The following ATP2B1 variants were observed in gnomAD, a reference collection of about 807,000 sequenced individuals.
ATP2B1 encodes the protein ATPase plasma membrane Ca2+ transporting 1, also known as plasma membrane calcium-transporting ATPase 1.
ATP2B1 carries 14 observed loss-of-function variants against 124.2 expected under a neutral mutation model. The observed-to-expected ratio is 0.11, with a 90% CI of 0.07 to 0.18. The LOEUF (loss-of-function observed/expected upper bound fraction) is 0.18. Among genes scored for constraint, ATP2B1 ranks in the 10% least tolerant of loss-of-function variants. The probability of loss-of-function intolerance (pLI) is 1.00; values close to 1 mark genes in which losing one functional copy is unlikely to be tolerated. For missense variants in ATP2B1, 763 were observed against 1,466.1 expected, an observed-to-expected ratio of 0.52 and a Z score of 7.83; for synonymous variants, 449 against 492.4, an observed-to-expected ratio of 0.91 and a Z score of 1.17.
At chr12:89,610,108 T>C in intron 14 of ATP2B1, 65 bp from the exon 15 acceptor site, 2 of 1,390,350 alleles carry the variant, frequency 1.4e-6, no homozygotes, top group Non-Finnish European at 2.0e-6. Flanking sequence ...TTCTGAAGAA[T>C]ATCCTGACGT....
At chr12:89,623,204 T>A (rs1212219337) in intron 9 of ATP2B1, among the ~76,000 whole-genome samples, 1 of 152,166 alleles carries the variant, frequency 6.6e-6, no homozygotes, top group African/African-American at 2.4e-5. Flanking sequence ...ACTAATTAAT[T>A]AATATTGCTC....
intron 5 of ATP2B1, among the ~76,000 whole-genome samples, chr12:89,631,724 T>C (rs1466993902): frequency 6.6e-6 from 1 of 152,128 alleles, no homozygotes; most frequent in African/African-American, 2.4e-5. Flanking sequence ...GATGGGAACA[T>C]GGATTAAATT....
chr12:89,655,883 C>A lies in ATP2B1; in HGVS notation c.4G>T (p.Gly2Cys). 1.3e-6 allele frequency: 2 copies of A among 1,587,080 alleles called. No individual in the cohort carries two copies. The highest frequency in any genetic ancestry group is 1.7e-6 in the Non-Finnish European group (2 of 1,164,384). The change falls in exon 2 of 21, where the codon GGC becomes TGC. Residue 2 changes from glycine (G) to cysteine (C), a missense_variant. Gly to Cys is a radical substitution (Grantham distance 159). This residue lies in a region of ATP2B1 where 93 missense variants were observed against 112.7 expected (regional missense o/e 0.83). Transcript: ENST00000428670. The stretch of plus-strand genomic sequence containing the variant: ...GCAACTGAGTTGTTTGCCATGTCGC[C>A]CATTACAAGTATAATATATCAGAAG... The part of the protein sequence containing the change: M[G>C]DMANNSVAYS...
At chr12:89,613,424 G>A (rs1025402466) in intron 12 of ATP2B1, among the ~76,000 whole-genome samples, 2 of 152,278 alleles carry the variant, frequency 1.3e-5, no homozygotes, top group Middle Eastern at 3.4e-3. Flanking sequence ...ATTGGAGGGG[G>A]ACATCACGTG....
intron 9 of ATP2B1, 147 bp from the exon 10 acceptor site, chr12:89,621,938 AT>A (rs538339086): frequency 0.051 from 32,551 of 638,542 alleles, 2 homozygotes; most frequent in East Asian, 0.072. Context: ...TAATACTGAA[AT>A]TTTTTTTTTT....
chr12:89,632,794 C>T (rs1332551626), intron 5 of ATP2B1, among the ~76,000 whole-genome samples: 2 of 152,182 alleles, frequency 1.3e-5, no homozygotes, highest in African/African-American at 4.8e-5. Flanking sequence ...CGATAAGGGA[C>T]TCTACAAAGT....
At chr12:89,664,849 T>C (rs1244837876) in intron 1 of ATP2B1, among the ~76,000 whole-genome samples, 1 of 148,900 alleles carries the variant, frequency 6.7e-6, no homozygotes, top group African/African-American at 2.5e-5. Context: ...TATTATGCTA[T>C]TCTTTTTTTT....
chr12:89,649,120 A>G (rs1884903517), intron 2 of ATP2B1, among the ~76,000 whole-genome samples: 1 of 152,232 alleles, frequency 6.6e-6, no homozygotes, highest in South Asian at 2.1e-4. Context: ...TGCCAAGGGG[A>G]ATTGTAGGGT....
intron 1 of ATP2B1, among the ~76,000 whole-genome samples, chr12:89,670,370 A>AG (rs1887797972): frequency 3.9e-5 from 3 of 76,390 alleles, no homozygotes; most frequent in African/African-American, 1.3e-4. Flanking sequence ...AATAAAACCG[A>AG]ATTTTTTTTT....
chr12:89,635,562 C>T (rs1882560441), intron 3 of ATP2B1, among the ~76,000 whole-genome samples: 1 of 152,072 alleles, frequency 6.6e-6, no homozygotes, highest in African/African-American at 2.4e-5. Context: ...GTTTCTTCAT[C>T]GTCAAATTAT....
intron 2 of ATP2B1, among the ~76,000 whole-genome samples, chr12:89,654,374 C>A (rs1885690271): frequency 6.6e-6 from 1 of 152,112 alleles, no homozygotes; most frequent in Non-Finnish European, 1.5e-5. Flanking sequence ...GTAATCAAAC[C>A]CAACTACATC....
chr12:89,612,794 C>T (rs1235948992), intron 12 of ATP2B1, among the ~76,000 whole-genome samples: 1 of 152,190 alleles, frequency 6.6e-6, no homozygotes, highest in Non-Finnish European at 1.5e-5. Context: ...TTACCTGAAT[C>T]TTCAATGAGC....
chr12:89,675,146 TA>T (rs1888454189), intron 1 of ATP2B1, among the ~76,000 whole-genome samples: 1 of 152,158 alleles, frequency 6.6e-6, no homozygotes, highest in Non-Finnish European at 1.5e-5. Context: ...CATCAATATT[TA>T]ATAAAGCCCA....
chr12:89,590,914 A>C lies in ATP2B1; in HGVS notation c.*70T>G. On this transcript the variant is annotated 3_prime_UTR_variant, in exon 21 of 21. Transcript: ENST00000428670. ...CAAGAATACTAGCTTGTCCATCACA[A>C]TATGTGAAAAGACCCAGTTTCAATT... 1 of 1,420,792 alleles carries C rather than the reference A, an allele frequency of 7.0e-7. No individual in the cohort carries two copies. Among genetic ancestry groups the C allele is most frequent in the Non-Finnish European group, 9.7e-7 (1 of 1,028,238 alleles). The allele number at this position is 1,420,792 out of a possible 1,614,324, so 88.0% of individuals were successfully genotyped here. A position where few individuals can be genotyped will look rare whatever the true frequency, so the allele number is the denominator to read the frequency against.
At chr12:89,612,220 C>T (rs1297281312) in intron 12 of ATP2B1, 3 of 151,904 alleles carry the variant, frequency 2.0e-5, no homozygotes, top group Non-Finnish European at 4.4e-5. Context: ...TTAAAATATA[C>T]GATGATTCCT....
At chr12:89,602,794 TA>T (rs1397835367) in intron 18 of ATP2B1, among the ~76,000 whole-genome samples, 1 of 152,222 alleles carries the variant, frequency 6.6e-6, no homozygotes, top group Non-Finnish European at 1.5e-5. Flanking sequence ...TCCTAAGAAA[TA>T]ATATCTTTCA....
At chr12:89,633,456 T>G (rs1037454950) in intron 5 of ATP2B1, among the ~76,000 whole-genome samples, 7 of 148,140 alleles carry the variant, frequency 4.7e-5, no homozygotes, top group African/African-American at 1.7e-4. Context: ...TGGCACAGGA[T>G]ACTGAAGGTA....
intron 1 of ATP2B1, among the ~76,000 whole-genome samples, chr12:89,689,415 A>G (rs1890307093): frequency 6.6e-6 from 1 of 152,102 alleles, no homozygotes. Context: ...TTTGATTCAG[A>G]AGGAAATTGG....
chr12:89,644,534 GAAAAAAAAAAA>G (rs1884140757), intron 2 of ATP2B1, among the ~76,000 whole-genome samples: 1 of 127,488 alleles, frequency 7.8e-6, no homozygotes, highest in Non-Finnish European at 1.7e-5. Flanking sequence ...TTTCTCAGTT[GAAAAAAAAAAA>G]GAAAAAAAAA....
Sources: allele counts gnomAD v4.1 joint callset (sites outside exome capture counted in the v4.1 genomes callset), GRCh38; gene constraint gnomAD v4.1.1; regional missense constraint gnomAD v4.1.1; transcripts MANE v1.5; gene names NCBI Gene and HGNC (gene_info 2026-07-23, HGNC 2026-07-21).